KLF12: variants seen among roughly 807,000 people sequenced by gnomAD.
The protein encoded by KLF12 is Krueppel-like factor 12.
In KLF12, 9 loss-of-function variants were observed where a neutral mutation model predicts 37.8. The observed-to-expected ratio is 0.24, with a 90% CI of 0.14 to 0.42. The LOEUF (loss-of-function observed/expected upper bound fraction) is 0.42. Among genes scored for constraint, KLF12 ranks in the 10% least tolerant of loss-of-function variants. The pLI is 1.00. For synonymous variants in KLF12, 208 were observed against 202.1 expected, an observed-to-expected ratio of 1.03 and a Z score of -0.25; for missense variants, 411 against 516.0, an observed-to-expected ratio of 0.80 and a Z score of 1.97.
At chr13:74,159,627 T>C in the KLF12 span, among the ~76,000 whole-genome samples, 43,033 of 152,152 alleles carry the variant, frequency 0.28, 7,259 homozygotes, top group Non-Finnish European at 0.38. Context: ...CAAGTTGCTG[T>C]ATACCTTAAG....
chr13:74,033,897 T>C (rs1893177168), intron 1 of KLF12, among the ~76,000 whole-genome samples: 1 of 151,900 alleles, frequency 6.6e-6, no homozygotes, highest in African/African-American at 2.4e-5. Flanking sequence ...TATATATGTG[T>C]AGTTATTACA....
intron 4 of KLF12, among the ~76,000 whole-genome samples, chr13:73,830,240 TAACCATAACTTCC>T (rs1305045727): frequency 6.6e-6 from 1 of 152,156 alleles, no homozygotes; most frequent in African/African-American, 2.4e-5. Context: ...TGATCTACTA[TAACCATAACTTCC>T]AGAACGTGAC....
At chr13:74,275,104 G>C in the KLF12 span, among the ~76,000 whole-genome samples, 4,945 of 152,212 alleles carry the variant, frequency 0.032, 256 homozygotes, top group African/African-American at 0.11. Context: ...GCCATGTGAG[G>C]ATTTTGGGGG....
intron 4 of KLF12, among the ~76,000 whole-genome samples, chr13:73,837,123 T>C (rs1424990922): frequency 6.6e-6 from 1 of 152,214 alleles, no homozygotes; most frequent in Non-Finnish European, 1.5e-5. Flanking sequence ...CCATACCTTC[T>C]CCTCTTCCTC....
Position 73,734,698 on chromosome 13 carries a change from T to C in KLF12, c.870-19173A>G, listed in dbSNP as rs148822984. Reference sequence around the variant, plus strand: ...AAACATCCACTGATATTCTGAATAATAGCAATAATATCATTAAGCATTTAC... The same window carrying C: ...AAACATCCACTGATATTCTGAATAACAGCAATAATATCATTAAGCATTTAC... On this transcript the variant is annotated intron_variant, in intron 6 of 7. Transcript: ENST00000377669. Among the ~76,000 whole-genome samples, 296 of 152,314 alleles carry C rather than the reference T, an allele frequency of 1.9e-3. 2 individuals are homozygous for C. Among genetic ancestry groups the C allele is most frequent in the South Asian group, 0.016 (77 of 4,830 alleles).
At chr13:74,212,690 T>C in the KLF12 span, among the ~76,000 whole-genome samples, 2 of 152,116 alleles carry the variant, frequency 1.3e-5, no homozygotes, top group African/African-American at 4.8e-5. Context: ...AATCAATTCA[T>C]AATTGATTTC....
chr13:73,944,757 A>G (rs920477905), intron 2 of KLF12, among the ~76,000 whole-genome samples: 3 of 94,226 alleles, frequency 3.2e-5, no homozygotes, highest in Admixed American at 2.5e-4. Context: ...TTGTAGCTCA[A>G]TAACATTTCA....
chr13:73,963,284 TACACACACACACAC>T lies in KLF12; in HGVS notation c.34-19228_34-19215del, dbSNP rs10543490. Among the ~76,000 whole-genome samples the T allele has an allele frequency of 4.2e-4, 61 of 145,270 alleles. 1 individual carries two copies. In the East Asian group the frequency reaches 0.011, roughly 25 times the overall value. On this transcript the variant is annotated intron_variant, in intron 2 of 7. Transcript: ENST00000377669. ...TCATAAAGTATAAGAGAGTCATTTA[TACACACACACACAC>T]ACACACACACACACACACACACGTA...
upstream of KLF12, among the ~76,000 whole-genome samples, chr13:74,135,684 A>G (rs945695): frequency 0.018 from 2,765 of 151,956 alleles, 40 homozygotes; most frequent in Middle Eastern, 0.031. Context: ...CGGGCACGAC[A>G]GTATTCCCCT....
the KLF12 span, among the ~76,000 whole-genome samples, chr13:74,281,984 A>C: frequency 6.6e-6 from 1 of 152,174 alleles, no homozygotes; most frequent in Admixed American, 6.6e-5. Flanking sequence ...CACCTTCAGA[A>C]GCACAGCTTA....
chr13:73,846,839 T>C (rs971024993), intron 3 of KLF12, among the ~76,000 whole-genome samples: 8 of 152,196 alleles, frequency 5.3e-5, no homozygotes, highest in African/African-American at 1.9e-4. Context: ...ATAAAGTTCT[T>C]CAACCTCCCA....
intron 3 of KLF12, among the ~76,000 whole-genome samples, chr13:73,936,124 G>T: frequency 6.6e-6 from 1 of 152,166 alleles, no homozygotes; most frequent in Middle Eastern, 3.4e-3. Context: ...TTAAAACTTG[G>T]TTATAAGTTC....
chr13:74,179,000 T>C, the KLF12 span, among the ~76,000 whole-genome samples: 2 of 152,268 alleles, frequency 1.3e-5, no homozygotes, highest in East Asian at 1.9e-4. Context: ...AGACACTATA[T>C]GCAGTCAGCT....
intron 3 of KLF12, among the ~76,000 whole-genome samples, chr13:73,927,548 T>C (rs1031173076): frequency 1.3e-5 from 2 of 152,104 alleles, no homozygotes; most frequent in Non-Finnish European, 2.9e-5. Flanking sequence ...CAGAACTTCC[T>C]TATACTAATA....
intron 3 of KLF12, among the ~76,000 whole-genome samples, chr13:73,938,878 TG>T (rs2139335793): frequency 6.6e-6 from 1 of 152,266 alleles, no homozygotes; most frequent in African/African-American, 2.4e-5. Flanking sequence ...ATTCTATACT[TG>T]TCTGCGGCAA....
chr13:73,769,866 AATG>A, intron 5 of KLF12, among the ~76,000 whole-genome samples: 1 of 152,150 alleles, frequency 6.6e-6, no homozygotes, highest in South Asian at 2.1e-4. Context: ...AATGAGAATA[AATG>A]ATTATTCCAC....
the KLF12 span, among the ~76,000 whole-genome samples, chr13:74,159,081 C>A: frequency 2.0e-5 from 3 of 152,154 alleles, no homozygotes; most frequent in African/African-American, 7.2e-5. Flanking sequence ...ACCTCAGGAA[C>A]CTTGAGGCAG....
intron 1 of KLF12, among the ~76,000 whole-genome samples, chr13:74,048,270 C>CCA (rs1275975630): frequency 2.0e-5 from 3 of 152,138 alleles, no homozygotes; most frequent in Non-Finnish European, 2.9e-5. Context: ...TTCTAAGCAG[C>CCA]CACACACACA....
chr13:74,033,162 C>T (rs1326929510), intron 1 of KLF12, among the ~76,000 whole-genome samples: 1 of 152,118 alleles, frequency 6.6e-6, no homozygotes, highest in Admixed American at 6.6e-5. Flanking sequence ...ATGAAAACAC[C>T]ATTGCTTTTA....
Sources: allele counts gnomAD v4.1 joint callset (sites outside exome capture counted in the v4.1 genomes callset), GRCh38; gene constraint gnomAD v4.1.1; transcripts MANE v1.5; gene names NCBI Gene and HGNC (gene_info 2026-07-23, HGNC 2026-07-21).